The following KLF14 variants were observed in gnomAD, a reference collection of about 807,000 sequenced individuals.
KLF14 encodes KLF transcription factor 14, also known as Krueppel-like factor 14.
In KLF14, 13 loss-of-function variants were observed where a neutral mutation model predicts 16.2. That is an observed-to-expected ratio of 0.80 (90% CI 0.52 to 1.28). KLF14 has a LOEUF of 1.28. KLF14 is among the 50% of genes most tolerant of loss of function. The pLI, the probability that KLF14 is intolerant of heterozygous loss-of-function variation, is 0.00. For missense variants in KLF14, 571 were observed against 493.4 expected, an observed-to-expected ratio of 1.16 and a Z score of -1.49; for synonymous variants, 276 against 233.7, an observed-to-expected ratio of 1.18 and a Z score of -1.65.
rs1199505601 is a variant in KLF14, at chr7:130,731,270, A to C, written c.*1792T>G. The C allele has an allele frequency of 6.6e-6, 1 of 152,264 alleles. No homozygotes were observed. The highest frequency in any genetic ancestry group is 2.4e-5 in the African/African-American group (1 of 41,462). 9.4% of individuals were successfully genotyped at this position (152,264 alleles called of 1,614,324 possible). A position where few individuals can be genotyped will look rare whatever the true frequency, so the allele number is the denominator to read the frequency against. ...AAAAAGTCATTCTCACTTTATGTCC[A>C]CATGGTGTGAAGGGAGGGAACGTAA... On this transcript the variant is annotated 3_prime_UTR_variant, in exon 1 of 1. Transcript: ENST00000583337.
In KLF14 at chr7:130,733,662, G is replaced by T; in HGVS notation, c.372C>A (p.Thr124=). The change falls in exon 1 of 1, where the codon ACC becomes ACA. Residue 124 remains threonine, a synonymous_variant. Coordinates refer to ENST00000583337, the MANE Select transcript of KLF14 (RefSeq NM_138693.4). The surrounding 1 kb of genome is among the most constrained non-coding windows in gnomAD (Gnocchi z 5.2). ...AGGCGGGAGCCAGCTCGGAGCACGG[G>T]GTCTGGACGGAGCACGGGATCGGGT... is the stretch of plus-strand genomic sequence containing the variant. ...FSDPIPCSVQ[T]PCSELAPASG... The T allele has an allele frequency of 1.3e-6, 2 of 1,564,024 alleles. No homozygotes were observed. Among genetic ancestry groups the T allele is most frequent in the Non-Finnish European group, 8.6e-7 (1 of 1,158,994 alleles).
In KLF14 at chr7:130,731,859, G is replaced by A; in HGVS notation, c.*1203C>T. ...AAAGGGGCCCTGAGGATATAACTTGGAGGGACTATATGGTCAGAGGAGAAA... is the reference window on the plus strand; with the variant it reads ...AAAGGGGCCCTGAGGATATAACTTGAAGGGACTATATGGTCAGAGGAGAAA... On this transcript the variant is annotated 3_prime_UTR_variant, in exon 1 of 1. Coordinates refer to ENST00000583337, the MANE Select transcript of KLF14 (RefSeq NM_138693.4). 6.6e-6 allele frequency: 1 copy of A among 152,166 alleles called. No individual in the cohort carries two copies. The highest frequency in any genetic ancestry group is 2.1e-4 in the South Asian group (1 of 4,830). The allele number at this position is 152,166 out of a possible 1,614,324, so 9.4% of individuals were successfully genotyped here.
At position 130,730,785 on chromosome 7, in the gene KLF14, A is replaced by G. The variant is rs1797177224; in HGVS notation, c.*2277T>C. On this transcript the variant is annotated 3_prime_UTR_variant, in exon 1 of 1. Coordinates refer to ENST00000583337, the MANE Select transcript of KLF14 (RefSeq NM_138693.4). ...AAACCAATTTCAGAATGGTTAGTGGAAATTCCTGTTGGCTTCCTTGGTCCA... is the reference window on the plus strand; with the variant it reads ...AAACCAATTTCAGAATGGTTAGTGGGAATTCCTGTTGGCTTCCTTGGTCCA... Among the ~76,000 whole-genome samples the G allele has an allele frequency of 1.3e-5, 2 of 152,366 alleles. No individual in the cohort carries two copies. The highest frequency in any genetic ancestry group is 4.8e-5 in the African/African-American group (2 of 41,590).
rs782627182 is a variant in KLF14, at chr7:130,733,757, G to T, written c.277C>A (p.Arg93Ser). ...CAGGAGCCCTCGCCAGAGCTGCCGCGCAAGTCCGCCCAGACGCTTGCAGCC... is the reference window on the plus strand; with the variant it reads ...CAGGAGCCCTCGCCAGAGCTGCCGCTCAAGTCCGCCCAGACGCTTGCAGCC... ...LLAASVWADL[R>S]GSSGEGSWEN... The change falls in exon 1 of 1, where the codon CGC becomes AGC. Residue 93 changes from arginine (R) to serine (S), a missense_variant. By Grantham distance (110) the Arg-to-Ser change is moderately radical (BLOSUM62 -1). Transcript: ENST00000583337. The surrounding 1 kb of genome is among the most constrained non-coding windows in gnomAD (Gnocchi z 5.2). The T allele has an allele frequency of 6.5e-6, 10 of 1,531,302 alleles. No individual in the cohort carries two copies. The highest frequency in any genetic ancestry group is 2.0e-5 in the Admixed American group (1 of 51,022). 94.9% of individuals were successfully genotyped at this position (1,531,302 alleles called of 1,614,324 possible).
chr7:130,733,768 C>G lies in KLF14; in HGVS notation c.266G>C (p.Trp89Ser). ...GCCAGAGCTGCCGCGCAAGTCCGCC[C>G]AGACGCTTGCAGCCAGCAGGTGGGG... ...AAPHLLAASVWADLRGSSGEG... is the reference protein window; with the variant it reads ...AAPHLLAASVSADLRGSSGEG... Residue 89 changes from tryptophan (W) to serine (S), a missense_variant, in exon 1 of 1, where the codon TGG (tryptophan) becomes TCG (serine). Trp to Ser is a radical substitution (Grantham distance 177). Transcript: ENST00000583337. The surrounding 1 kb of genome is among the most constrained non-coding windows in gnomAD (Gnocchi z 5.2). 2.6e-6 allele frequency: 4 copies of G among 1,513,320 alleles called. No homozygotes were observed. Among genetic ancestry groups the G allele is most frequent in the Non-Finnish European group, 3.5e-6 (4 of 1,138,506 alleles). The allele number at this position is 1,513,320 out of a possible 1,614,324, so 93.7% of individuals were successfully genotyped here. A position where few individuals can be genotyped will look rare whatever the true frequency, so the allele number is the denominator to read the frequency against.
chr7:130,734,110 GT>G lies in KLF14; in HGVS notation c.-78del. On this transcript the variant is annotated 5_prime_UTR_variant, in exon 1 of 1. Transcript: ENST00000583337. This position sits in a 1 kb window ranked among gnomAD's most constrained non-coding sequence, Gnocchi z 4.4. ...GGCGACGGAGTTCCCGGGAGCGTCC[GT>G]CCCGCAGCCTCGGAGCGAGAAGCAG... 1 of 906,852 alleles carries G rather than the reference GT, an allele frequency of 1.1e-6. No individual in the cohort carries two copies. Among genetic ancestry groups the G allele is most frequent in the Non-Finnish European group, 1.4e-6 (1 of 719,624 alleles). 56.2% of individuals were successfully genotyped at this position (906,852 alleles called of 1,614,324 possible). A position where few individuals can be genotyped will look rare whatever the true frequency, so the allele number is the denominator to read the frequency against.
rs781856123 is a variant in KLF14 at position 130,733,089 on chromosome 7, C to T, written c.945G>A (p.Pro315=). Residue 315 remains proline (P), a synonymous_variant, in exon 1 of 1, where the codon CCG becomes CCA. Coordinates refer to ENST00000583337, the MANE Select transcript of KLF14 (RefSeq NM_138693.4). The surrounding 1 kb of genome is among the most constrained non-coding windows in gnomAD (Gnocchi z 5.2). ...ESSASGSGPG[P]APSFTTCL ...ACAGGCAGGTGGTGAAGCTGGGCGC[C>T]GGGCCGGGACCGGAGCCGGAGGCGG... 7 of 1,572,310 alleles carry T rather than the reference C, an allele frequency of 4.5e-6. No individual in the cohort carries two copies. Among genetic ancestry groups the T allele is most frequent in the African/African-American group, 1.4e-5 (1 of 73,956 alleles).
In KLF14 at chr7:130,733,505, G is replaced by C. The variant is rs782056880; in HGVS notation, c.529C>G (p.Pro177Ala). ...CTCCGGGGCGCCTGATCCGCGGCGG[G>C]GGCGGGGCCTGCCCCTAGGGCCCCT... Reference protein sequence around the residue: ...SGGALGAGPAPAADQAPRRRS... With the variant: ...SGGALGAGPAAAADQAPRRRS... The change falls in exon 1 of 1, where the codon CCC (proline) becomes GCC (alanine). Residue 177 changes from proline (P) to alanine (A), a missense_variant. Physicochemically the swap from Pro to Ala is conservative, Grantham distance 27 (BLOSUM62 -1). Coordinates refer to ENST00000583337, the MANE Select transcript of KLF14 (RefSeq NM_138693.4). This position sits in a 1 kb window ranked among gnomAD's most constrained non-coding sequence, Gnocchi z 5.2. 33 of 1,597,846 alleles carry C rather than the reference G, an allele frequency of 2.1e-5. No homozygotes were observed. In the South Asian group the frequency reaches 3.7e-4, roughly 18 times the overall value.
chr7:130,733,350 G>A lies in KLF14; in HGVS notation c.684C>T (p.Asp228=), dbSNP rs1554470853. 1 of 1,613,810 alleles carries A rather than the reference G, an allele frequency of 6.2e-7. No homozygotes were observed. Among genetic ancestry groups the A allele is most frequent in the African/African-American group, 1.3e-5 (1 of 74,944 alleles). Residue 228 remains aspartate (D), a synonymous_variant, in exon 1 of 1, where the codon GAC becomes GAT. Coordinates refer to ENST00000583337, the MANE Select transcript of KLF14 (RefSeq NM_138693.4). The surrounding 1 kb of genome is among the most constrained non-coding windows in gnomAD (Gnocchi z 5.2). Reference sequence around the variant, plus strand: ...TAAACTTCTTGTCGCAGTCGAGCCAGTCGCAGGAGAAAGGGCGCTCACCCG... The same window carrying A: ...TAAACTTCTTGTCGCAGTCGAGCCAATCGCAGGAGAAAGGGCGCTCACCCG... The part of the protein sequence containing the change: ...THTGERPFSC[D]WLDCDKKFTR...
Position 130,733,313 on chromosome 7 carries a change from C to A in KLF14, c.721G>T (p.Glu241Ter). 1 of 1,607,158 alleles carries A rather than the reference C, an allele frequency of 6.2e-7. No individual in the cohort carries two copies. Among genetic ancestry groups the A allele is most frequent in the Non-Finnish European group, 8.5e-7 (1 of 1,177,382 alleles). The change falls in exon 1 of 1, where the codon GAG becomes TAG. Residue 241 changes from glutamate (E) to a stop codon, truncating the protein, a stop_gained. Transcript: ENST00000583337. LOFTEE classifies it high-confidence loss of function. The surrounding 1 kb of genome is among the most constrained non-coding windows in gnomAD (Gnocchi z 5.2). ...DCDKKFTRSDELARHYRTHTG... is the reference protein window; with the variant it reads ...DCDKKFTRSD ...TGCGTCCTGTAGTGGCGGGCCAGCT[C>A]GTCGGAACGCGTAAACTTCTTGTCG... is the stretch of plus-strand genomic sequence containing the variant.
rs1410991977 is a variant in KLF14 at position 130,733,085 on chromosome 7, G to A, written c.949C>T (p.Pro317Ser). Residue 317 changes from proline (P) to serine (S), a missense_variant, in exon 1 of 1, where the codon CCC becomes TCC. By Grantham distance (74) the Pro-to-Ser change is moderately conservative. Transcript: ENST00000583337. The surrounding 1 kb of genome is among the most constrained non-coding windows in gnomAD (Gnocchi z 5.2). ...TCCTACAGGCAGGTGGTGAAGCTGG[G>A]CGCCGGGCCGGGACCGGAGCCGGAG... ...SASGSGPGPA[P>S]SFTTCL is the part of the protein sequence containing the mutation. 1.9e-6 allele frequency: 3 copies of A among 1,570,066 alleles called. No homozygotes were observed. Among genetic ancestry groups the A allele is most frequent in the African/African-American group, 2.7e-5 (2 of 74,104 alleles).
rs1370302907 is a variant in KLF14, at chr7:130,733,051, C to G, written c.*11G>C. 6.5e-7 allele frequency: 1 copy of G among 1,545,326 alleles called. No homozygotes were observed. The highest frequency in any genetic ancestry group is 8.7e-7 in the Non-Finnish European group (1 of 1,146,128). The stretch of plus-strand genomic sequence containing the variant: ...TCATCCTTGAGGGTAAGACTGACAG[C>G]AATGACTGTCCTACAGGCAGGTGGT... On this transcript the variant is annotated 3_prime_UTR_variant, in exon 1 of 1. Transcript: ENST00000583337. This position sits in a 1 kb window ranked among gnomAD's most constrained non-coding sequence, Gnocchi z 5.2.
chr7:130,733,880 G>C lies in KLF14; in HGVS notation c.154C>G (p.Leu52Val). The change falls in exon 1 of 1, where the codon CTG becomes GTG. Residue 52 changes from leucine to valine, a missense_variant. Transcript: ENST00000583337. This position sits in a 1 kb window ranked among gnomAD's most constrained non-coding sequence, Gnocchi z 5.2. ...GGCCCCGGTGGCCCCGGACCCGGCA[G>C]AGCGGACTCCGGCGGCGCCGCACCC... ...EVGAAPPESA[L>V]PGPGPPGPAS... 2 of 1,336,276 alleles carry C rather than the reference G, an allele frequency of 1.5e-6. No homozygotes were observed. The highest frequency in any genetic ancestry group is 9.5e-7 in the Non-Finnish European group (1 of 1,050,184). 82.8% of individuals were successfully genotyped at this position (1,336,276 alleles called of 1,614,324 possible).
Position 130,734,024 on chromosome 7 carries a change from C to A in KLF14, c.10G>T (p.Ala4Ser). The A allele has an allele frequency of 7.6e-7, 1 of 1,313,432 alleles. No homozygotes were observed. Among genetic ancestry groups the A allele is most frequent in the Non-Finnish European group, 9.7e-7 (1 of 1,027,310 alleles). 81.4% of individuals were successfully genotyped at this position (1,313,432 alleles called of 1,614,324 possible). A position where few individuals can be genotyped will look rare whatever the true frequency, so the allele number is the denominator to read the frequency against. Reference sequence around the variant, plus strand: ...GCGAAGTAGTCCAGGCACGCCACGGCGGCCGACATGCTGGGACCGCCCGGC... The same window carrying A: ...GCGAAGTAGTCCAGGCACGCCACGGAGGCCGACATGCTGGGACCGCCCGGC... Reference protein sequence around the residue: MSAAVACLDYFAAE... With the variant: MSASVACLDYFAAE... The change falls in exon 1 of 1, where the codon GCC becomes TCC. Residue 4 changes from alanine to serine, a missense_variant. Ala to Ser is a moderately conservative substitution (Grantham distance 99). Transcript: ENST00000583337. The surrounding 1 kb of genome is among the most constrained non-coding windows in gnomAD (Gnocchi z 4.4).
In KLF14 at chr7:130,733,671, G is replaced by A. The variant is rs782296507; in HGVS notation, c.363C>T (p.Ser121=). Residue 121 remains serine, a synonymous_variant, in exon 1 of 1, where the codon TCC becomes TCT. Transcript: ENST00000583337. The surrounding 1 kb of genome is among the most constrained non-coding windows in gnomAD (Gnocchi z 5.2). ...CCAGCTCGGAGCACGGGGTCTGGAC[G>A]GAGCACGGGATCGGGTCGGAGAAGC... ...SSGFSDPIPC[S]VQTPCSELAP... is the part of the protein sequence containing the mutation. 30 of 1,567,796 alleles carry A rather than the reference G, an allele frequency of 1.9e-5. No homozygotes were observed. In the East Asian group the frequency reaches 4.2e-4, roughly 22 times the overall value.
rs1200619008 is a variant in KLF14, at chr7:130,734,167, T to TGCC, written c.-137_-135dup. The TGCC allele has an allele frequency of 2.6e-3, 936 of 360,518 alleles. 12 individuals are homozygous for TGCC. The highest frequency in any genetic ancestry group is 0.019 in the African/African-American group (842 of 44,056). The allele number at this position is 360,518 out of a possible 1,614,324, so 22.3% of individuals were successfully genotyped here. ...CGGGTGCTCGCCGCCTGCCGCCTGC[T>TGCC]GCCGCCGCCGCCGCCGCAGCCGCCG... is the stretch of plus-strand genomic sequence containing the variant. On this transcript the variant is annotated 5_prime_UTR_variant, in exon 1 of 1. Transcript: ENST00000583337. The surrounding 1 kb of genome is among the most constrained non-coding windows in gnomAD (Gnocchi z 4.4).
chr7:130,733,793 G>A lies in KLF14; in HGVS notation c.241C>T (p.Pro81Ser). The change falls in exon 1 of 1, where the codon CCC becomes TCC. Residue 81 changes from proline (P) to serine (S), a missense_variant. Transcript: ENST00000583337. This position sits in a 1 kb window ranked among gnomAD's most constrained non-coding sequence, Gnocchi z 5.2. ...APSPGAGGAAPHLLAASVWAD... is the reference protein window; with the variant it reads ...APSPGAGGAASHLLAASVWAD... ...CAGACGCTTGCAGCCAGCAGGTGGGGCGCGGCGCCGCCCGCGCCGGGGCTG... is the reference window on the plus strand; with the variant it reads ...CAGACGCTTGCAGCCAGCAGGTGGGACGCGGCGCCGCCCGCGCCGGGGCTG... 1.4e-6 allele frequency: 2 copies of A among 1,481,036 alleles called. No individual in the cohort carries two copies. The highest frequency in any genetic ancestry group is 1.8e-6 in the Non-Finnish European group (2 of 1,122,766). The allele number at this position is 1,481,036 out of a possible 1,614,324, so 91.7% of individuals were successfully genotyped here. A position where few individuals can be genotyped will look rare whatever the true frequency, so the allele number is the denominator to read the frequency against.
chr7:130,732,942 C>A lies in KLF14; in HGVS notation c.*120G>T. The A allele has an allele frequency of 7.7e-7, 1 of 1,295,742 alleles. No homozygotes were observed. The highest frequency in any genetic ancestry group is 1.5e-5 in the South Asian group (1 of 64,534). 80.3% of individuals were successfully genotyped at this position (1,295,742 alleles called of 1,614,324 possible). A position where few individuals can be genotyped will look rare whatever the true frequency, so the allele number is the denominator to read the frequency against. ...TGTCTGCCTGGACCCACCCTCAGAG[C>A]AGAGGAACCAGTCTGTGCCTTGGTG... On this transcript the variant is annotated 3_prime_UTR_variant, in exon 1 of 1. Coordinates refer to ENST00000583337, the MANE Select transcript of KLF14 (RefSeq NM_138693.4).
In KLF14 at chr7:130,733,517, C is replaced by A; in HGVS notation, c.517G>T (p.Ala173Ser). 1 of 1,580,634 alleles carries A rather than the reference C, an allele frequency of 6.3e-7. No homozygotes were observed. Among genetic ancestry groups the A allele is most frequent in the Non-Finnish European group, 8.6e-7 (1 of 1,164,236 alleles). The change falls in exon 1 of 1, where the codon GCA (alanine) becomes TCA (serine). Residue 173 changes from alanine (A) to serine (S), a missense_variant. Coordinates refer to ENST00000583337, the MANE Select transcript of KLF14 (RefSeq NM_138693.4). This position sits in a 1 kb window ranked among gnomAD's most constrained non-coding sequence, Gnocchi z 5.2. ...TGATCCGCGGCGGGGGCGGGGCCTG[C>A]CCCTAGGGCCCCTCCAGAGAACCCA... ...SGGFSGGALGAGPAPAADQAP... is the reference protein window; with the variant it reads ...SGGFSGGALGSGPAPAADQAP...
Sources: gnomAD v4.1 joint callset for allele counts (sites outside exome capture counted in the v4.1 genomes callset) on GRCh38, gnomAD v4.1.1 for gene constraint, Gnocchi (gnomAD v3.1) non-coding constraint, MANE v1.5 for transcripts, NCBI Gene and HGNC (gene_info 2026-07-23, HGNC 2026-07-21) for gene names.